The following CHRM3 variants were observed in gnomAD, a reference collection of about 807,000 sequenced individuals.
The protein encoded by CHRM3 is cholinergic receptor muscarinic 3.
CHRM3 carries 11 observed loss-of-function variants against 41.8 expected under a neutral mutation model. The ratio of observed to expected loss-of-function variants is 0.26; its 90% CI spans 0.17 to 0.44. The LOEUF (loss-of-function observed/expected upper bound fraction) is 0.44, where lower values mean the gene tolerates loss of function less well. Among genes scored for constraint, CHRM3 ranks in the 20% least tolerant of loss-of-function variants. The pLI, the probability that CHRM3 is intolerant of heterozygous loss-of-function variation, is 1.00. For synonymous variants in CHRM3, 297 were observed against 301.4 expected, an observed-to-expected ratio of 0.99 and a Z score of 0.15; for missense variants, 571 against 745.4, an observed-to-expected ratio of 0.77 and a Z score of 2.72.
At chr1:239,879,968 G>A (rs558313965) in intron 6 of CHRM3, among the ~76,000 whole-genome samples, 2 of 152,198 alleles carry the variant, frequency 1.3e-5, no homozygotes, top group African/African-American at 4.8e-5. Flanking sequence ...TACCCAGCCA[G>A]GCTTGTTCTG....
intron 5 of CHRM3, among the ~76,000 whole-genome samples, chr1:239,816,906 T>A (rs1671638623): frequency 6.6e-6 from 1 of 152,068 alleles, no homozygotes; most frequent in African/African-American, 2.4e-5. Context: ...AATTTTTTTA[T>A]ATTTTTAGTA....
rs1405430979 is a variant in CHRM3, at chr1:239,748,729, C to T, written c.-147+70441C>T. On this transcript the variant is annotated intron_variant, in intron 5 of 6. Transcript: ENST00000676153. The surrounding 1 kb of genome is among the most constrained non-coding windows in gnomAD (Gnocchi z 4.3). ...TAATTCACTTGATAAACATAGTTAA[C>T]CCTTAAATACCAACTTCATTTAACA... Among the ~76,000 whole-genome samples, 1 of 152,192 alleles carries T rather than the reference C, an allele frequency of 6.6e-6. No homozygotes were observed. The highest frequency in any genetic ancestry group is 1.9e-4 in the East Asian group (1 of 5,196).
At chr1:239,404,350 GAGAAAGAA>G (rs1178581793) in intron 1 of CHRM3, among the ~76,000 whole-genome samples, 1,548 of 68,660 alleles carry the variant, frequency 0.023, 71 homozygotes, top group Middle Eastern at 0.052. Context: ...GAAAGAGAAA[GAGAAAGAA>G]AGAAAGAAAG....
chr1:239,491,646 A>G (rs1047614549), intron 1 of CHRM3, among the ~76,000 whole-genome samples: 2 of 152,226 alleles, frequency 1.3e-5, no homozygotes, highest in African/African-American at 4.8e-5. Flanking sequence ...CAATAAGCAT[A>G]GGAGGGCAGA....
rs1660986165 is a variant in CHRM3, at chr1:239,562,719, C to T, written c.-313+16970C>T. ...CCTTGTCAACATAGTGAAACCCCATCTCTACTAAAAATACAAAAATTAGCT... is the reference window on the plus strand; with the variant it reads ...CCTTGTCAACATAGTGAAACCCCATTTCTACTAAAAATACAAAAATTAGCT... On this transcript the variant is annotated intron_variant, in intron 3 of 6. Transcript: ENST00000676153. 2.0e-5 allele frequency among the ~76,000 whole-genome samples: 3 copies of T among 152,096 alleles called. No individual in the cohort carries two copies. The South Asian group carries it at 6.2e-4, about 32-fold the overall frequency.
chr1:239,791,825 G>A (rs1669376106), intron 5 of CHRM3, among the ~76,000 whole-genome samples: 1 of 152,188 alleles, frequency 6.6e-6, no homozygotes, highest in Non-Finnish European at 1.5e-5. Context: ...AAAGTCTATG[G>A]ATTCAGCTGT....
In CHRM3 at chr1:239,871,858, C is replaced by A. The variant is rs140673048; in HGVS notation, c.-19-35575C>A. On this transcript the variant is annotated intron_variant, in intron 6 of 6. Transcript: ENST00000676153. ...GACATTCCCAAAGAGTAGCCAAATA[C>A]GAGAGGCGCACTGAAATTTTTAGCT... Among the ~76,000 whole-genome samples the A allele has an allele frequency of 4.6e-5, 7 of 152,224 alleles. 1 individual carries two copies. Among genetic ancestry groups the A allele is most frequent in the African/African-American group, 1.7e-4 (7 of 41,554 alleles).
intron 2 of CHRM3, among the ~76,000 whole-genome samples, chr1:239,503,738 A>AT (rs1410452208): frequency 6.6e-6 from 1 of 152,212 alleles, no homozygotes; most frequent in African/African-American, 2.4e-5. Context: ...AAGGAACAGA[A>AT]TAGAGAACCC....
At chr1:239,508,619 T>G (rs1668726526) in intron 2 of CHRM3, among the ~76,000 whole-genome samples, 1 of 152,088 alleles carries the variant, frequency 6.6e-6, no homozygotes, top group African/African-American at 2.4e-5. Flanking sequence ...ACCAATAAAC[T>G]CCTATTTATA....
At chr1:239,641,040 G>A (rs1671082602) in intron 4 of CHRM3, among the ~76,000 whole-genome samples, 5 of 152,114 alleles carry the variant, frequency 3.3e-5, no homozygotes, top group Admixed American at 2.6e-4. Flanking sequence ...AGTCATTCAG[G>A]AGCAGGTTGT....
intron 3 of CHRM3, among the ~76,000 whole-genome samples, chr1:239,576,740 C>T (rs947862422): frequency 2.0e-5 from 3 of 151,254 alleles, no homozygotes; most frequent in Admixed American, 1.3e-4. Context: ...CAGTGACCTA[C>T]GATTGTGCCA....
At chr1:239,793,803 A>ATT (rs67460907) in intron 5 of CHRM3, among the ~76,000 whole-genome samples, 3,658 of 69,256 alleles carry the variant, frequency 0.053, 525 homozygotes, top group African/African-American at 0.14. Flanking sequence ...TGAAATGTGT[A>ATT]TTTTTTTTTT....
intron 6 of CHRM3, chr1:239,886,007 T>C (rs1474036020): frequency 6.6e-6 from 1 of 152,222 alleles, no homozygotes; most frequent in Admixed American, 6.5e-5. Context: ...TTAGTCTAAA[T>C]GATCAACCAC....
intron 3 of CHRM3, among the ~76,000 whole-genome samples, chr1:239,564,637 G>C (rs1433947407): frequency 6.6e-6 from 1 of 152,044 alleles, no homozygotes; most frequent in Non-Finnish European, 1.5e-5. Context: ...CTTAACCACT[G>C]CAACCAACTA....
chr1:239,791,877 C>G (rs1669381660), intron 5 of CHRM3, among the ~76,000 whole-genome samples: 1 of 152,136 alleles, frequency 6.6e-6, no homozygotes, highest in Non-Finnish European at 1.5e-5. Flanking sequence ...ACCAGAAACA[C>G]AGTGGGTAGA....
At chr1:239,768,283 C>G (rs1444236954) in intron 5 of CHRM3, among the ~76,000 whole-genome samples, 2 of 152,154 alleles carry the variant, frequency 1.3e-5, no homozygotes, top group African/African-American at 4.8e-5. Flanking sequence ...AAGCATTGAA[C>G]TCCATCAATC....
chr1:239,420,866 A>T (rs1215594281), intron 1 of CHRM3, among the ~76,000 whole-genome samples: 1 of 152,188 alleles, frequency 6.6e-6, no homozygotes, highest in Non-Finnish European at 1.5e-5. Flanking sequence ...ATGAAACCAC[A>T]GCACTGTGAT....
intron 5 of CHRM3, among the ~76,000 whole-genome samples, chr1:239,719,907 G>C (rs1381694710): frequency 6.6e-6 from 1 of 151,948 alleles, no homozygotes; most frequent in African/African-American, 2.4e-5. Context: ...GAATAGATCT[G>C]TGTGTATTTC....
chr1:239,629,271 G>GC (rs1356389542), intron 3 of CHRM3: 9 of 126,562 alleles, frequency 7.1e-5, no homozygotes, highest in African/African-American at 1.6e-4. Flanking sequence ...TTTTCCAGGT[G>GC]CTTCCGTCAC....
Sources: allele counts gnomAD v4.1 joint callset (sites outside exome capture counted in the v4.1 genomes callset), GRCh38; gene constraint gnomAD v4.1.1; non-coding constraint Gnocchi (gnomAD v3.1); transcripts MANE v1.5; gene names NCBI Gene and HGNC (gene_info 2026-07-23, HGNC 2026-07-21).